IQGAP1: variants seen among roughly 807,000 people sequenced by gnomAD.
The protein encoded by IQGAP1 is IQ motif containing GTPase activating protein 1.
In IQGAP1, 66 loss-of-function variants were observed where a neutral mutation model predicts 215.6. The observed-to-expected ratio is 0.31, with a 90% confidence interval of 0.25 to 0.38. IQGAP1 has a LOEUF of 0.38. IQGAP1 is among the 10% of genes least tolerant of loss of function. The pLI is 1.00. For synonymous variants in IQGAP1, 772 were observed against 728.7 expected (o/e 1.06, Z -0.96); for missense variants, 1,712 against 1,997.1 (o/e 0.86, Z 2.72).
At chr15:90,475,966 C>T (rs940906135) in intron 23 of IQGAP1, among the ~76,000 whole-genome samples, 7 of 151,798 alleles carry the variant, frequency 4.6e-5, no homozygotes, top group Admixed American at 6.6e-5. Flanking sequence ...AACAGAGTTT[C>T]CCTCTGTACC....
At chr15:90,433,947 T>C (rs941859274) in intron 5 of IQGAP1, 152 bp downstream of exon 5, 8 of 461,208 alleles carry the variant, frequency 1.7e-5, no homozygotes, top group African/African-American at 1.6e-4. Flanking sequence ...AACAAAATGG[T>C]GAGAAACAGC....
At position 90,449,525 on chromosome 15, in the gene IQGAP1, G is replaced by C. The variant is rs576430942; in HGVS notation, c.1078-34G>C. Reference sequence around the variant, plus strand: ...TTAAGGCCTGGAGTCATAGGAATGAGTAATCTTTACATAATTTTCTTTGCT... The same window carrying C: ...TTAAGGCCTGGAGTCATAGGAATGACTAATCTTTACATAATTTTCTTTGCT... On this transcript the variant is annotated intron_variant, in intron 10 of 37. Coordinates refer to ENST00000268182, the MANE Select transcript of IQGAP1 (RefSeq NM_003870.4). 2.6e-6 allele frequency: 4 copies of C among 1,558,986 alleles called. No individual in the cohort carries two copies. The South Asian group carries it at 3.4e-5, about 13-fold the overall frequency.
At chr15:90,494,617 G>T in intron 35 of IQGAP1, 96 bp from the exon 36 acceptor site, 2 of 1,033,034 alleles carry the variant, frequency 1.9e-6, no homozygotes, top group Non-Finnish European at 2.8e-6. Flanking sequence ...CTTATGTCTG[G>T]AAGTTTGGTT....
At chr15:90,431,680 CA>C (rs112485076) in intron 4 of IQGAP1, among the ~76,000 whole-genome samples, 32,445 of 152,040 alleles carry the variant, frequency 0.21, 4,706 homozygotes, top group African/African-American at 0.42. Context: ...TTGAATTGTC[CA>C]CCCTACGTTT....
In IQGAP1 at chr15:90,441,547, A is replaced by G. The variant is rs775072015; in HGVS notation, c.691A>G (p.Arg231Gly). 2 of 1,613,790 alleles carry G rather than the reference A, an allele frequency of 1.2e-6. No individual in the cohort carries two copies. Among genetic ancestry groups the G allele is most frequent in the Non-Finnish European group, 1.7e-6 (2 of 1,179,952 alleles). ...TGCTATTAATGAAGCTATTGACCGT[A>G]GAATTCCAGCCGACACATTTGCAGC... The part of the protein sequence containing the change: ...VIAINEAIDR[R>G]IPADTFAALK... The change falls in exon 8 of 38, where the codon AGA becomes GGA. Residue 231 changes from arginine to glycine, a missense_variant. Coordinates refer to ENST00000268182, the MANE Select transcript of IQGAP1 (RefSeq NM_003870.4).
intron 36 of IQGAP1, among the ~76,000 whole-genome samples, chr15:90,495,520 A>G (rs984843799): frequency 6.6e-6 from 1 of 152,082 alleles, no homozygotes; most frequent in African/African-American, 2.4e-5. Context: ...AGAGATAACC[A>G]CTGAAATCGT....
At chr15:90,444,328 G>A (rs992583016) in intron 9 of IQGAP1, among the ~76,000 whole-genome samples, 4 of 131,444 alleles carry the variant, frequency 3.0e-5, no homozygotes, top group African/African-American at 1.1e-4. Flanking sequence ...ACACTTTGTT[G>A]TTTAGGCTGC....
intron 15 of IQGAP1, among the ~76,000 whole-genome samples, chr15:90,456,725 A>AG (rs1309912875): frequency 1.0e-4 from 15 of 150,332 alleles, no homozygotes; most frequent in South Asian, 2.1e-4. Flanking sequence ...AAAAAAAAAA[A>AG]AAAAATACAA....
intron 33 of IQGAP1, among the ~76,000 whole-genome samples, chr15:90,491,076 T>A (rs1334154405): frequency 6.6e-6 from 1 of 152,230 alleles, no homozygotes; most frequent in Non-Finnish European, 1.5e-5. Context: ...CCCAAAGTGC[T>A]GGGATTACAG....
At chr15:90,395,506 G>C (rs1356151329) in intron 2 of IQGAP1, among the ~76,000 whole-genome samples, 1 of 152,110 alleles carries the variant, frequency 6.6e-6, no homozygotes, top group African/African-American at 2.4e-5. Context: ...ATTTTTAGTA[G>C]AGACGGGGTT....
At position 90,448,752 on chromosome 15, in the gene IQGAP1, A is replaced by G. The variant is rs769664422; in HGVS notation, c.1077+16A>G. 3.3e-6 allele frequency: 5 copies of G among 1,535,186 alleles called. No individual in the cohort carries two copies. The African/African-American group carries it at 5.6e-5, about 17-fold the overall frequency. ...GAAGAGACAGGTAAACATAGTCTGG[A>G]TTGAAGCTGCAAGAGTTTGTATATA... On this transcript the variant is annotated intron_variant, in intron 10 of 37. Transcript: ENST00000268182.
chr15:90,466,850 G>T (rs1965839776), intron 17 of IQGAP1, among the ~76,000 whole-genome samples: 1 of 152,240 alleles, frequency 6.6e-6, no homozygotes, highest in Non-Finnish European at 1.5e-5. Flanking sequence ...CCAGCACTTT[G>T]GGAGGCTGAG....
chr15:90,496,306 C>CTTTTTT (rs552222380), intron 36 of IQGAP1, among the ~76,000 whole-genome samples: 22 of 106,112 alleles, frequency 2.1e-4, no homozygotes, highest in African/African-American at 8.0e-4. Context: ...AGCATAATCC[C>CTTTTTT]TTTTTTTTTT....
intron 22 of IQGAP1, 61 bp downstream of exon 22, chr15:90,474,194 T>C: frequency 7.0e-7 from 1 of 1,419,590 alleles, no homozygotes; most frequent in Non-Finnish European, 9.7e-7. Flanking sequence ...AAGTTCAGGG[T>C]ATTCTCCACA....
At chr15:90,419,072 T>C (rs114533793) in intron 2 of IQGAP1, among the ~76,000 whole-genome samples, 2,102 of 151,606 alleles carry the variant, frequency 0.014, 39 homozygotes, top group African/African-American at 0.048. Context: ...AGAGGATCGC[T>C]TGAACCCTGA....
At chr15:90,449,226 G>A (rs1006460019) in intron 10 of IQGAP1, among the ~76,000 whole-genome samples, 2 of 151,992 alleles carry the variant, frequency 1.3e-5, no homozygotes, top group African/African-American at 4.8e-5. Context: ...ATAAGGGCAA[G>A]TATACATTTT....
chr15:90,453,010 G>T, intron 12 of IQGAP1, 72 bp downstream of exon 12: 1 of 1,566,650 alleles, frequency 6.4e-7, no homozygotes, highest in South Asian at 1.2e-5. Context: ...ACTTCTTCCT[G>T]TGGTTAGGTA....
chr15:90,404,814 C>T (rs556206773), intron 2 of IQGAP1, among the ~76,000 whole-genome samples: 2 of 152,244 alleles, frequency 1.3e-5, no homozygotes, highest in Admixed American at 6.5e-5. Context: ...CTCCTGATCT[C>T]GGGTGATCCA....
intron 19 of IQGAP1, 92 bp from the exon 20 acceptor site, chr15:90,473,623 C>A: frequency 1.2e-6 from 1 of 859,282 alleles, no homozygotes; most frequent in Non-Finnish European, 1.9e-6. Context: ...CATGAAATTG[C>A]ACTTGGATCA....
Sources: allele counts gnomAD v4.1 joint callset (sites outside exome capture counted in the v4.1 genomes callset), GRCh38; gene constraint gnomAD v4.1.1; transcripts MANE v1.5; gene names NCBI Gene and HGNC (gene_info 2026-07-23, HGNC 2026-07-21).